The following CDR2L variants were observed in gnomAD, a reference collection of about 807,000 sequenced individuals.
CDR2L encodes the protein cerebellar degeneration related protein 2 like.
A neutral mutation model predicts 36.1 loss-of-function variants in CDR2L; 19 were observed. That is an observed-to-expected ratio of 0.53 (90% CI 0.37 to 0.77). The LOEUF is 0.77. Ranked by LOEUF, CDR2L falls within the 30% of genes least tolerant of loss-of-function variation. The pLI, the probability that CDR2L is intolerant of heterozygous loss-of-function variation, is 0.00. For synonymous variants in CDR2L, 285 were observed against 280.4 expected (o/e 1.02, Z -0.16); for missense variants, 575 against 627.2 (o/e 0.92, Z 0.89).
intron 1 of CDR2L, among the ~76,000 whole-genome samples, chr17:74,995,405 C>T (rs189492527): frequency 6.6e-6 from 1 of 152,244 alleles, no homozygotes; most frequent in Non-Finnish European, 1.5e-5. Context: ...TAAAGCAATC[C>T]TCCCACCTCG....
chr17:74,991,856 G>T (rs1014715076), intron 1 of CDR2L, among the ~76,000 whole-genome samples: 21 of 152,328 alleles, frequency 1.4e-4, no homozygotes, highest in African/African-American at 4.8e-4. Context: ...GGCAGCTGCT[G>T]AGTCACAGAT....
chr17:74,997,579 C>T (rs2039837311), intron 1 of CDR2L, among the ~76,000 whole-genome samples: 1 of 152,088 alleles, frequency 6.6e-6, no homozygotes, highest in Non-Finnish European at 1.5e-5. Context: ...TGGGGATATT[C>T]ATGAGCAAAA....
chr17:75,000,301 A>G (rs980526295), intron 2 of CDR2L, among the ~76,000 whole-genome samples: 3 of 150,610 alleles, frequency 2.0e-5, no homozygotes, highest in Non-Finnish European at 4.4e-5. Flanking sequence ...AATAAATAAG[A>G]TTTATTTCTT....
In CDR2L at chr17:75,002,049, C is replaced by T; in HGVS notation, c.342-15C>T. 1 of 1,554,588 alleles carries T rather than the reference C, an allele frequency of 6.4e-7. No individual in the cohort carries two copies. The highest frequency in any genetic ancestry group is 8.7e-7 in the Non-Finnish European group (1 of 1,155,828). On this transcript the variant is annotated splice_polypyrimidine_tract_variant and intron_variant, in intron 3 of 4. Coordinates refer to ENST00000337231, the MANE Select transcript of CDR2L (RefSeq NM_014603.3). This position sits in a 1 kb window ranked among gnomAD's most constrained non-coding sequence, Gnocchi z 4.1. ...TCCCCTTAAAGTCCCTGTGTGTCCACCACCCCGCCCCCAGGCTGACGGAGA... is the reference window on the plus strand; with the variant it reads ...TCCCCTTAAAGTCCCTGTGTGTCCATCACCCCGCCCCCAGGCTGACGGAGA...
intron 3 of CDR2L, among the ~76,000 whole-genome samples, chr17:75,001,749 A>T (rs751532697): frequency 2.0e-5 from 3 of 152,210 alleles, no homozygotes; most frequent in African/African-American, 7.2e-5. Context: ...CTGCCCTCTA[A>T]TACCTCACAG....
At chr17:75,001,974 G>A (rs1252777896) in intron 3 of CDR2L, 90 bp from the exon 4 acceptor site, 25 of 1,158,652 alleles carry the variant, frequency 2.2e-5, no homozygotes, top group South Asian at 3.5e-5. Context: ...CCTACCCAAC[G>A]TCCCTCCATC....
chr17:74,997,080 C>CTTTTTTTT, intron 1 of CDR2L, among the ~76,000 whole-genome samples: 1 of 8,972 alleles, frequency 1.1e-4, no homozygotes, highest in African/African-American at 2.5e-4. Flanking sequence ...TTCTTTCTTT[C>CTTTTTTTT]TTTCTTTTTT....
intron 1 of CDR2L, 51 bp from the exon 2 acceptor site, chr17:74,999,453 G>T: frequency 7.8e-7 from 1 of 1,276,248 alleles, no homozygotes. Flanking sequence ...CTCGGAACAT[G>T]AATGGGCGTC....
Position 75,003,923 on chromosome 17 carries a change from A to C in CDR2L, c.1247A>C (p.Lys416Thr). 6.2e-7 allele frequency: 1 copy of C among 1,610,930 alleles called. No homozygotes were observed. The highest frequency in any genetic ancestry group is 8.5e-7 in the Non-Finnish European group (1 of 1,178,760). Residue 416 changes from lysine (K) to threonine (T), a missense_variant, in exon 5 of 5, where the codon AAG becomes ACG. Lys to Thr is a moderately conservative substitution (Grantham distance 78). Transcript: ENST00000337231. The stretch of plus-strand genomic sequence containing the variant: ...CAGGGTGAGGTCAAGGCAGGAGAGA[A>C]GAGCCTGAGCCAGCACGTGGAGGCC... The part of the protein sequence containing the change: ...EGQGEVKAGE[K>T]SLSQHVEAVD...
intron 2 of CDR2L, among the ~76,000 whole-genome samples, chr17:75,000,966 G>T (rs1249787538): frequency 6.6e-6 from 1 of 151,798 alleles, no homozygotes; most frequent in Admixed American, 6.6e-5. Flanking sequence ...TGGCGTGGTG[G>T]TGCATGCCTA....
chr17:74,988,292 C>T (rs1376732053), intron 1 of CDR2L, among the ~76,000 whole-genome samples, 170 bp downstream of exon 1: 1 of 152,174 alleles, frequency 6.6e-6, no homozygotes, highest in Non-Finnish European at 1.5e-5. Flanking sequence ...GGGGGCGCTG[C>T]CGGAGAAGAC....
At chr17:74,996,592 C>T (rs1384574152) in intron 1 of CDR2L, among the ~76,000 whole-genome samples, 3 of 152,168 alleles carry the variant, frequency 2.0e-5, no homozygotes, top group South Asian at 2.1e-4. Context: ...TAGTACCTGC[C>T]GTTTCCTTCT....
At position 75,003,590 on chromosome 17, in the gene CDR2L, C is replaced by T. The variant is rs1326930813; in HGVS notation, c.914C>T (p.Pro305Leu). 4.7e-6 allele frequency: 7 copies of T among 1,502,732 alleles called. No homozygotes were observed. The highest frequency in any genetic ancestry group is 4.9e-5 in the East Asian group (2 of 40,532). 93.1% of individuals were successfully genotyped at this position (1,502,732 alleles called of 1,614,324 possible). A position where few individuals can be genotyped will look rare whatever the true frequency, so the allele number is the denominator to read the frequency against. ...GGCGCCCAGGACGGGGTCTCCTCAC[C>T]GGCAGCCTCTCCAGGCCACGTGGTG... ...DLGAQDGVSSPAASPGHVVRK... is the reference protein window; with the variant it reads ...DLGAQDGVSSLAASPGHVVRK... The change falls in exon 5 of 5, where the codon CCG becomes CTG. Residue 305 changes from proline to leucine, a missense_variant. Coordinates refer to ENST00000337231, the MANE Select transcript of CDR2L (RefSeq NM_014603.3).
intron 1 of CDR2L, among the ~76,000 whole-genome samples, chr17:74,998,169 G>A (rs1454632476): frequency 1.3e-5 from 2 of 151,892 alleles, no homozygotes; most frequent in African/African-American, 4.8e-5. Context: ...AGGTTGCAGT[G>A]AGCCAAGATC....
chr17:74,998,067 A>C (rs1291110896), intron 1 of CDR2L, among the ~76,000 whole-genome samples: 1 of 152,130 alleles, frequency 6.6e-6, no homozygotes, highest in East Asian at 1.9e-4. Flanking sequence ...AAAAATAAAA[A>C]AAAATTAGCC....
intron 1 of CDR2L, among the ~76,000 whole-genome samples, chr17:74,993,909 G>T (rs1207665140): frequency 6.6e-6 from 1 of 152,176 alleles, no homozygotes; most frequent in Non-Finnish European, 1.5e-5. Context: ...CTCCGGATTT[G>T]TTCCTGTGGG....
chr17:74,991,906 C>G (rs969050515), intron 1 of CDR2L, among the ~76,000 whole-genome samples: 1 of 152,130 alleles, frequency 6.6e-6, no homozygotes, highest in Non-Finnish European at 1.5e-5. Context: ...GCCTGCCTAG[C>G]TGACCTTGAG....
rs2039874055 is a variant in CDR2L at position 75,002,669 on chromosome 17, T to C, written c.506+441T>C. On this transcript the variant is annotated intron_variant, in intron 4 of 4. Transcript: ENST00000337231. The surrounding 1 kb of genome is among the most constrained non-coding windows in gnomAD (Gnocchi z 4.1). The stretch of plus-strand genomic sequence containing the variant: ...CAATAAGGGTCCTGGCAGGAAACAG[T>C]CTCTTACACAGAGTAATGGAGAAGT... 6.6e-6 allele frequency among the ~76,000 whole-genome samples: 1 copy of C among 152,088 alleles called. No homozygotes were observed. Among genetic ancestry groups the C allele is most frequent in the Non-Finnish European group, 1.5e-5 (1 of 68,010 alleles).
At chr17:74,998,773 G>A (rs1357065886) in intron 1 of CDR2L, among the ~76,000 whole-genome samples, 2 of 152,232 alleles carry the variant, frequency 1.3e-5, no homozygotes, top group African/African-American at 4.8e-5. Context: ...TATTCCGTGC[G>A]TGAGGCTGGC....
Sources: allele counts gnomAD v4.1 joint callset (sites outside exome capture counted in the v4.1 genomes callset), GRCh38; gene constraint gnomAD v4.1.1; non-coding constraint Gnocchi (gnomAD v3.1); transcripts MANE v1.5; gene names NCBI Gene and HGNC (gene_info 2026-07-23, HGNC 2026-07-21).